The following CSMD1 variants were observed in gnomAD, a reference collection of about 807,000 sequenced individuals.
CSMD1 encodes the protein CUB and sushi domain-containing protein 1.
CSMD1 carries 213 observed loss-of-function variants against 417.5 expected under a neutral mutation model. The observed-to-expected ratio is 0.51, with a 90% CI of 0.46 to 0.57. The LOEUF is 0.57. CSMD1 is among the 20% of genes least tolerant of loss of function. The probability of loss-of-function intolerance (pLI) is 0.00; values close to 1 mark genes in which losing one functional copy is unlikely to be tolerated. For missense variants in CSMD1, 6,923 were observed against 4,529.7 expected (o/e 1.53, Z -15.17); for synonymous variants, 2,862 against 1,736.8 (o/e 1.65, Z -16.11).
At chr8:3,348,325 C>A (rs926764193) in intron 21 of CSMD1, among the ~76,000 whole-genome samples, 164 bp from the exon 22 acceptor site, 1 of 151,722 alleles carries the variant, frequency 6.6e-6, no homozygotes, top group African/African-American at 2.4e-5. Flanking sequence ...ATTGTTTGAC[C>A]AACTGGACCA....
chr8:4,632,670 G>A (rs1385231165), intron 2 of CSMD1, among the ~76,000 whole-genome samples: 8 of 152,184 alleles, frequency 5.3e-5, no homozygotes, highest in Non-Finnish European at 1.2e-4. Flanking sequence ...TAACTTCAGG[G>A]CAGGTGTGAG....
rs573367347 is a variant in CSMD1, at chr8:3,313,392, C to G, written c.3632-4889G>C. ...TCATCTGACAAAGGGCTAATATGCACAATCTACAATGAACTCAAATTTACA... is the reference window on the plus strand; with the variant it reads ...TCATCTGACAAAGGGCTAATATGCAGAATCTACAATGAACTCAAATTTACA... On this transcript the variant is annotated intron_variant, in intron 23 of 69. Coordinates refer to ENST00000635120, the MANE Select transcript of CSMD1 (RefSeq NM_033225.6). 5.9e-5 allele frequency among the ~76,000 whole-genome samples: 9 copies of G among 152,112 alleles called. No individual in the cohort carries two copies. In the South Asian group the frequency reaches 1.5e-3, roughly 25 times the overall value.
At chr8:4,294,365 T>A (rs74336646) in intron 3 of CSMD1, among the ~76,000 whole-genome samples, 7,468 of 152,234 alleles carry the variant, frequency 0.049, 222 homozygotes, top group South Asian at 0.1. Flanking sequence ...GAGACAGTAT[T>A]CCAGAGAGTG....
At chr8:3,837,753 C>T (rs1344648928) in intron 5 of CSMD1, among the ~76,000 whole-genome samples, 2 of 151,926 alleles carry the variant, frequency 1.3e-5, no homozygotes, top group South Asian at 2.1e-4. Context: ...TGGCTCCTCC[C>T]AGTTTATCAG....
rs150133894 is a variant in CSMD1, at chr8:3,904,496, G to A, written c.818+93407C>T. 5.5e-3 allele frequency among the ~76,000 whole-genome samples: 842 copies of A among 152,246 alleles called. 13 individuals are homozygous for A. The highest frequency in any genetic ancestry group is 0.019 in the African/African-American group (799 of 41,528). The stretch of plus-strand genomic sequence containing the variant: ...TTGGCCATGGTTGTTCTACGGTGCG[G>A]CTTGGTATTCCACATTTCTAAGAAA... On this transcript the variant is annotated intron_variant, in intron 5 of 69. Coordinates refer to ENST00000635120, the MANE Select transcript of CSMD1 (RefSeq NM_033225.6).
At chr8:2,976,861 G>A (rs985418722) in intron 55 of CSMD1, among the ~76,000 whole-genome samples, 13 of 151,410 alleles carry the variant, frequency 8.6e-5, no homozygotes, top group Admixed American at 8.6e-4. Context: ...GGCTATTTGG[G>A]TAAAATGATA....
chr8:2,999,870 T>C (rs1563221847), intron 53 of CSMD1, 88 bp downstream of exon 53: 2 of 1,145,918 alleles, frequency 1.7e-6, no homozygotes, highest in Middle Eastern at 3.1e-4. Context: ...ACAGTGAAGA[T>C]TAAACAGGTG....
chr8:3,414,213 A>C (rs1812987179), intron 12 of CSMD1, among the ~76,000 whole-genome samples: 1 of 16,262 alleles, frequency 6.1e-5, no homozygotes, highest in Non-Finnish European at 1.4e-4. Context: ...CACCTAAAGC[A>C]AAAAAAAAAA....
chr8:3,695,228 G>T (rs1444226312), intron 7 of CSMD1, among the ~76,000 whole-genome samples: 1 of 151,978 alleles, frequency 6.6e-6, no homozygotes, highest in Non-Finnish European at 1.5e-5. Flanking sequence ...TGCAATAAAC[G>T]CTGGAAGACT....
At chr8:3,918,288 C>T (rs1197643628) in intron 5 of CSMD1, among the ~76,000 whole-genome samples, 1 of 151,964 alleles carries the variant, frequency 6.6e-6, no homozygotes, top group Non-Finnish European at 1.5e-5. Flanking sequence ...AAACTCTTTT[C>T]ATAAGGACTG....
At chr8:4,227,753 T>C (rs1190180572) in intron 3 of CSMD1, among the ~76,000 whole-genome samples, 1 of 150,792 alleles carries the variant, frequency 6.6e-6, no homozygotes. Context: ...AGACACACCC[T>C]CCATCCTGCA....
At chr8:4,300,679 C>T (rs1214195900) in intron 3 of CSMD1, among the ~76,000 whole-genome samples, 1 of 152,150 alleles carries the variant, frequency 6.6e-6, no homozygotes, top group Non-Finnish European at 1.5e-5. Context: ...TGCTATCTCT[C>T]CACACTCTCC....
intron 5 of CSMD1, among the ~76,000 whole-genome samples, chr8:3,833,676 T>C (rs1005932954): frequency 3.9e-5 from 6 of 152,090 alleles, no homozygotes; most frequent in African/African-American, 1.4e-4. Context: ...TAAAAATAAA[T>C]TATCCTTTTC....
intron 3 of CSMD1, among the ~76,000 whole-genome samples, chr8:4,403,641 G>A (rs1436918739): frequency 6.6e-6 from 1 of 152,116 alleles, no homozygotes; most frequent in Non-Finnish European, 1.5e-5. Flanking sequence ...CTTAGTCGGT[G>A]TTTATTTGTT....
intron 7 of CSMD1, among the ~76,000 whole-genome samples, chr8:3,672,485 C>G (rs931768855): frequency 6.6e-6 from 1 of 151,850 alleles, no homozygotes; most frequent in Non-Finnish European, 1.5e-5. Context: ...AGGTCTGCTG[C>G]TATTTCAGTT....
At chr8:3,906,711 T>C (rs758507397) in intron 5 of CSMD1, among the ~76,000 whole-genome samples, 56 of 151,998 alleles carry the variant, frequency 3.7e-4, no homozygotes, top group Non-Finnish European at 6.3e-4. Flanking sequence ...TGTGAATTCA[T>C]TCACTGGCTG....
At chr8:3,919,693 G>C (rs562253527) in intron 5 of CSMD1, among the ~76,000 whole-genome samples, 1 of 152,016 alleles carries the variant, frequency 6.6e-6, no homozygotes, top group Non-Finnish European at 1.5e-5. Flanking sequence ...TTTTGATAGA[G>C]ATTGCTTTGA....
intron 3 of CSMD1, among the ~76,000 whole-genome samples, chr8:4,232,109 T>A (rs2128814718): frequency 6.6e-6 from 1 of 152,338 alleles, no homozygotes; most frequent in Admixed American, 6.5e-5. Context: ...ATGCTTCTGA[T>A]ACTTTCAAGA....
intron 2 of CSMD1, among the ~76,000 whole-genome samples, chr8:4,564,874 C>T (rs1379360960): frequency 6.6e-6 from 1 of 152,160 alleles, no homozygotes; most frequent in Non-Finnish European, 1.5e-5. Context: ...TTTTCTGTGT[C>T]TTGTTTGTTT....
Sources: allele counts gnomAD v4.1 joint callset (sites outside exome capture counted in the v4.1 genomes callset), GRCh38; gene constraint gnomAD v4.1.1; transcripts MANE v1.5; gene names NCBI Gene and HGNC (gene_info 2026-07-23, HGNC 2026-07-21).